TRIM36: variants seen among roughly 807,000 people sequenced by gnomAD.
TRIM36 encodes the protein tripartite motif containing 36.
A neutral mutation model predicts 72.4 loss-of-function variants in TRIM36; 42 were observed. The ratio of observed to expected loss-of-function variants is 0.58; its 90% CI spans 0.45 to 0.75. TRIM36 has a LOEUF of 0.75. TRIM36 is among the 30% of genes least tolerant of loss of function. The pLI is 0.00. For missense variants in TRIM36, 913 were observed against 857.1 expected (o/e 1.07, Z -0.81); for synonymous variants, 315 against 282.8 (o/e 1.11, Z -1.14).
chr5:115,163,677 G>C lies in TRIM36; in HGVS notation c.103C>G (p.Pro35Ala). The C allele has an allele frequency of 6.2e-7, 1 of 1,614,166 alleles. No homozygotes were observed. Among genetic ancestry groups the C allele is most frequent in the Non-Finnish European group, 8.5e-7 (1 of 1,180,034 alleles). The change falls in exon 2 of 10, where the codon CCT (proline) becomes GCT (alanine). Residue 35 changes from proline to alanine, a missense_variant. By Grantham distance (27) the Pro-to-Ala change is conservative (BLOSUM62 -1). Transcript: ENST00000513154. ...KELFTHPLIL[P>A]CQHSICHKCV... ...TTATGACAGATACTATGTTGGCAAG[G>C]GAGAATCAATGGGTGGGTAAACAGC...
At chr5:115,180,007 C>T in exon 1 of TRIM36, 1 of 1,614,126 alleles carries the variant, frequency 6.2e-7, no homozygotes, top group Non-Finnish European at 8.5e-7. Flanking sequence ...ATGATGTAGC[C>T]AAATTCACTC....
At position 115,126,562 on chromosome 5, in the gene TRIM36, C is replaced by T. The variant is rs775244570; in HGVS notation, c.2092G>A (p.Gly698Arg). The T allele has an allele frequency of 3.1e-6, 5 of 1,613,446 alleles. No individual in the cohort carries two copies. Reference protein sequence around the residue: ...YPAFALMGSGGIQLEEPITAK... With the variant: ...YPAFALMGSGRIQLEEPITAK... ...GTGATGGGTTCTTCAAGCTGAATTC[C>T]TCCACTGCCCATTAATGCAAATGCT... is the stretch of plus-strand genomic sequence containing the variant. The change falls in exon 10 of 10, where the codon GGA becomes AGA. Residue 698 changes from glycine to arginine, a missense_variant. Gly to Arg is a moderately radical substitution (Grantham distance 125, BLOSUM62 -2). Coordinates refer to ENST00000513154, the MANE Select transcript of TRIM36 (RefSeq NM_001300759.2).
At chr5:115,169,403 C>A (rs970521627) in intron 1 of TRIM36, among the ~76,000 whole-genome samples, 11 of 152,242 alleles carry the variant, frequency 7.2e-5, no homozygotes, top group African/African-American at 2.7e-4. Context: ...ACCCCACGTC[C>A]GGCTCTCGGG....
chr5:115,146,540 T>C (rs985991380), intron 3 of TRIM36, among the ~76,000 whole-genome samples: 2 of 152,176 alleles, frequency 1.3e-5, no homozygotes, highest in African/African-American at 4.8e-5. Context: ...ACTCAGAATG[T>C]TAAAGAAATT....
chr5:115,144,994 G>A (rs934840843), intron 3 of TRIM36, among the ~76,000 whole-genome samples: 3 of 152,114 alleles, frequency 2.0e-5, no homozygotes, highest in Admixed American at 2.0e-4. Flanking sequence ...GAACATGCCT[G>A]ATCTCGTCAT....
Position 115,163,666 on chromosome 5 carries a change from A to G in TRIM36, c.114T>C (p.His38=), listed in dbSNP as rs143122313. The change falls in exon 2 of 10, where the codon CAT becomes CAC. Residue 38 remains histidine, a synonymous_variant. Transcript: ENST00000513154. ...FTHPLILPCQ[H]SICHKCVKEL... is the part of the protein sequence containing the mutation. ...CTTTTACACATTTATGACAGATACT[A>G]TGTTGGCAAGGGAGAATCAATGGGT... The G allele has an allele frequency of 6.9e-4, 1,106 of 1,614,154 alleles. 9 individuals are homozygous for G. In the African/African-American group the frequency reaches 0.012, roughly 18 times the overall value.
chr5:115,136,616 G>A (rs1194869221), intron 7 of TRIM36, among the ~76,000 whole-genome samples: 1 of 150,000 alleles, frequency 6.7e-6, no homozygotes, highest in Non-Finnish European at 1.5e-5. Flanking sequence ...CATAAAAGAG[G>A]AAAAAAATGG....
At position 115,179,927 on chromosome 5, in the gene TRIM36, G is replaced by C. The variant is rs1755540047; in HGVS notation, c.63+48C>G. On this transcript the variant is annotated intron_variant, in intron 1 of 9. Coordinates refer to the TRIM36 transcript ENST00000282369. ...CGCCCACAGTGGCGGGCCAGGTAGT[G>C]CCGGAGTCGGGGGCCCAGGCCGCGG... 5 of 1,564,448 alleles carry C rather than the reference G, an allele frequency of 3.2e-6. No individual in the cohort carries two copies. In the Admixed American group the frequency reaches 8.6e-5, roughly 27 times the overall value.
chr5:115,179,064 C>G (rs1258126038), intron 1 of TRIM36, among the ~76,000 whole-genome samples: 2 of 152,188 alleles, frequency 1.3e-5, no homozygotes, highest in Non-Finnish European at 2.9e-5. Context: ...CACCTCTTCT[C>G]GAAGCTCCAG....
rs764944297 is a variant in TRIM36, at chr5:115,163,502, C to T, written c.262+16G>A. 1.2e-6 allele frequency: 2 copies of T among 1,608,914 alleles called. No individual in the cohort carries two copies. The highest frequency in any genetic ancestry group is 1.7e-6 in the Non-Finnish European group (2 of 1,175,308). On this transcript the variant is annotated intron_variant, in intron 2 of 9. Coordinates refer to ENST00000513154, the MANE Select transcript of TRIM36 (RefSeq NM_001300759.2). ...TTACCCCCACTACCATCCCAGCCCACAGTTCTAACACATACCTGGTCTGTT... is the reference window on the plus strand; with the variant it reads ...TTACCCCCACTACCATCCCAGCCCATAGTTCTAACACATACCTGGTCTGTT...
In TRIM36 at chr5:115,126,421, G is replaced by T; in HGVS notation, c.*82C>A. ...CAAGTGGGGTGACAGAACACTCAGC[G>T]ATATGTAATTAGTTACGAAGGTTAA... is the stretch of plus-strand genomic sequence containing the variant. On this transcript the variant is annotated 3_prime_UTR_variant, in exon 10 of 10. Coordinates refer to ENST00000513154, the MANE Select transcript of TRIM36 (RefSeq NM_001300759.2). 2 of 1,088,930 alleles carry T rather than the reference G, an allele frequency of 1.8e-6. No homozygotes were observed. The highest frequency in any genetic ancestry group is 2.6e-6 in the Non-Finnish European group (2 of 769,184). The allele number at this position is 1,088,930 out of a possible 1,614,324, so 67.5% of individuals were successfully genotyped here. A position where few individuals can be genotyped will look rare whatever the true frequency, so the allele number is the denominator to read the frequency against.
At position 115,169,626 on chromosome 5, in the gene TRIM36, G is replaced by A; in HGVS notation, c.9C>T (p.Gly3=). 3 of 1,524,074 alleles carry A rather than the reference G, an allele frequency of 2.0e-6. No homozygotes were observed. Among genetic ancestry groups the A allele is most frequent in the Non-Finnish European group, 2.6e-6 (3 of 1,141,706 alleles). 94.4% of individuals were successfully genotyped at this position (1,524,074 alleles called of 1,614,324 possible). Residue 3 remains glycine, a synonymous_variant, in exon 1 of 10, where the codon GGC becomes GGT. Coordinates refer to ENST00000513154, the MANE Select transcript of TRIM36 (RefSeq NM_001300759.2). ME[G]DGSDSPVTIK... ...CACTCACCGGCGAATCTGAGCCATC[G>A]CCCTCCATGGCTGCCTTCTGCCAGG... is the stretch of plus-strand genomic sequence containing the variant.
chr5:115,144,913 G>T (rs112951495), intron 3 of TRIM36, among the ~76,000 whole-genome samples, 169 bp from the exon 4 acceptor site: 6 of 152,150 alleles, frequency 3.9e-5, no homozygotes, highest in Non-Finnish European at 7.4e-5. Flanking sequence ...TCTCTATATC[G>T]GAATTACTAT....
chr5:115,169,635 G>A lies in TRIM36; in HGVS notation c.-1C>T, dbSNP rs1754987103. 4 of 1,523,856 alleles carry A rather than the reference G, an allele frequency of 2.6e-6. No homozygotes were observed. Among genetic ancestry groups the A allele is most frequent in the African/African-American group, 1.4e-5 (1 of 72,722 alleles). 94.4% of individuals were successfully genotyped at this position (1,523,856 alleles called of 1,614,324 possible). The stretch of plus-strand genomic sequence containing the variant: ...GCGAATCTGAGCCATCGCCCTCCAT[G>A]GCTGCCTTCTGCCAGGTGTCATCAG... On this transcript the variant is annotated 5_prime_UTR_variant, in exon 1 of 10. Coordinates refer to ENST00000513154, the MANE Select transcript of TRIM36 (RefSeq NM_001300759.2).
At chr5:115,139,612 C>T (rs1753165573) in intron 5 of TRIM36, among the ~76,000 whole-genome samples, 1 of 152,136 alleles carries the variant, frequency 6.6e-6, no homozygotes, top group Non-Finnish European at 1.5e-5. Context: ...TGACAAATCA[C>T]AACATCCAAC....
intron 9 of TRIM36, among the ~76,000 whole-genome samples, chr5:115,128,732 C>G (rs1488312506): frequency 2.8e-5 from 3 of 105,272 alleles, no homozygotes; most frequent in African/African-American, 1.0e-4. Context: ...GCAGTCCGGC[C>G]TGGGCGACAG....
chr5:115,149,725 A>T (rs1481733149), intron 2 of TRIM36: 1 of 150,742 alleles, frequency 6.6e-6, no homozygotes, highest in Non-Finnish European at 1.5e-5. Flanking sequence ...AACTCGTCCA[A>T]ATAGATATCT....
At position 115,163,711 on chromosome 5, in the gene TRIM36, T is replaced by C. The variant is rs771252320; in HGVS notation, c.69A>G (p.Ala23=). Residue 23 remains alanine (A), a synonymous_variant, in exon 2 of 10, where the codon GCA becomes GCG. Coordinates refer to ENST00000513154, the MANE Select transcript of TRIM36 (RefSeq NM_001300759.2). ...ATGGGTGGGTAAACAGCTCCTTGCA[T>C]GCTGGGCAAATGAGCTCCCTTTCGA... ...KNIERELICP[A]CKELFTHPLI... 2.5e-6 allele frequency: 4 copies of C among 1,614,218 alleles called. No individual in the cohort carries two copies. The highest frequency in any genetic ancestry group is 1.3e-5 in the African/African-American group (1 of 75,052).
intron 1 of TRIM36, among the ~76,000 whole-genome samples, chr5:115,178,369 C>T (rs529752950): frequency 1.3e-5 from 2 of 152,210 alleles, no homozygotes; most frequent in South Asian, 4.1e-4. Context: ...AATAGATGCC[C>T]CTGTTAGGCA....
Sources: allele counts gnomAD v4.1 joint callset (sites outside exome capture counted in the v4.1 genomes callset), GRCh38; gene constraint gnomAD v4.1.1; transcripts MANE v1.5; gene names NCBI Gene and HGNC (gene_info 2026-07-23, HGNC 2026-07-21).